The following PCDHGA6 variants were observed in gnomAD, a reference collection of about 807,000 sequenced individuals.
PCDHGA6 encodes the protein protocadherin gamma subfamily A, 6.
A neutral mutation model predicts 60.6 loss-of-function variants in PCDHGA6; 41 were observed. The ratio of observed to expected loss-of-function variants is 0.68; its 90% CI spans 0.53 to 0.88. The LOEUF (loss-of-function observed/expected upper bound fraction) is 0.88, where lower values mean the gene tolerates loss of function less well. Among genes scored for constraint, PCDHGA6 ranks in the 40% least tolerant of loss-of-function variants. The pLI is 0.00. For missense variants in PCDHGA6, 1,312 were observed against 1,203.0 expected, an observed-to-expected ratio of 1.09 and a Z score of -1.34; for synonymous variants, 594 against 524.4, an observed-to-expected ratio of 1.13 and a Z score of -1.81.
intron 1 of PCDHGA6, chr5:141,399,718 C>G (rs770212703): frequency 6.2e-7 from 1 of 1,613,308 alleles, no homozygotes; most frequent in Non-Finnish European, 8.5e-7. Context: ...ACTACAGGCC[C>G]GCGACCAGGG....
chr5:141,494,639 C>T, intron 1 of PCDHGA6, 168 bp from the exon 2 acceptor site: 1 of 901,070 alleles, frequency 1.1e-6, no homozygotes, highest in Non-Finnish European at 1.3e-6. Flanking sequence ...ACCTCTGAGA[C>T]CTGAGGTGTA....
chr5:141,388,118 C>G (rs771996326), intron 1 of PCDHGA6: 1 of 1,412,700 alleles, frequency 7.1e-7, no homozygotes, highest in African/African-American at 1.4e-5. Flanking sequence ...TCACCGTGAG[C>G]GCAGAGAGCG....
chr5:141,474,242 G>A (rs575397598), intron 1 of PCDHGA6, among the ~76,000 whole-genome samples: 1 of 152,192 alleles, frequency 6.6e-6, no homozygotes, highest in African/African-American at 2.4e-5. Context: ...GCTGAATAGG[G>A]GAAAAAAAGA....
chr5:141,397,168 T>C (rs997043690), intron 1 of PCDHGA6, among the ~76,000 whole-genome samples: 3 of 152,202 alleles, frequency 2.0e-5, no homozygotes, highest in Non-Finnish European at 4.4e-5. Context: ...CCAATAACTC[T>C]TAAGAATGAA....
chr5:141,379,097 A>G (rs1775367339), intron 1 of PCDHGA6: 1 of 152,260 alleles, frequency 6.6e-6, no homozygotes, highest in Non-Finnish European at 1.5e-5. Context: ...ATGTGTAAGA[A>G]AAAAGCAATT....
chr5:141,469,552 C>G (rs956606902), intron 1 of PCDHGA6, among the ~76,000 whole-genome samples: 1 of 151,910 alleles, frequency 6.6e-6, no homozygotes, highest in African/African-American at 2.4e-5. Context: ...TCCAGCCTGG[C>G]GACAGAGTGA....
At chr5:141,404,784 C>T (rs780341962) in intron 1 of PCDHGA6, 2 of 1,613,832 alleles carry the variant, frequency 1.2e-6, no homozygotes, top group Non-Finnish European at 1.7e-6. Flanking sequence ...CTATTCAAGG[C>T]CAGTGAGCCA....
At chr5:141,416,589 TTA>T (rs1386515449) in intron 1 of PCDHGA6, 2 of 151,996 alleles carry the variant, frequency 1.3e-5, no homozygotes, top group African/African-American at 4.8e-5. Context: ...CAAAATAAAC[TTA>T]GAGTCAAGAA....
At position 141,422,164 on chromosome 5, in the gene PCDHGA6, T is replaced by C. The variant is rs2096630287; in HGVS notation, c.2424+45657T>C. 2 of 1,568,668 alleles carry C rather than the reference T, an allele frequency of 1.3e-6. No homozygotes were observed. Among genetic ancestry groups the C allele is most frequent in the Non-Finnish European group, 1.7e-6 (2 of 1,162,894 alleles). On this transcript the variant is annotated intron_variant, in intron 1 of 3. Coordinates refer to ENST00000517434, the MANE Select transcript of PCDHGA6 (RefSeq NM_018919.3). ...ACGGGGGTCTCTGGATTTTGAAAAA[T>C]ATAGATTCTATGAGATGGAAATTCA... is the stretch of plus-strand genomic sequence containing the variant.
At chr5:141,384,897 C>T in intron 1 of PCDHGA6, 4 of 1,613,922 alleles carry the variant, frequency 2.5e-6, no homozygotes, top group Non-Finnish European at 3.4e-6. Context: ...CTGTGGCTGA[C>T]AGCATCCCCG....
Position 141,478,415 on chromosome 5 carries a change from C to A in PCDHGA6, c.2425-16392C>A, listed in dbSNP as rs182700706. 5.6e-6 allele frequency: 9 copies of A among 1,613,648 alleles called. No homozygotes were observed. In the East Asian group the frequency reaches 2.0e-4, roughly 36 times the overall value. ...TCAGGTGTATCTCACCACGGACTCC[C>A]GCCGCAGCGACCCGCTGCTGAAGAA... On this transcript the variant is annotated intron_variant, in intron 1 of 3. Coordinates refer to ENST00000517434, the MANE Select transcript of PCDHGA6 (RefSeq NM_018919.3).
In PCDHGA6 at chr5:141,419,316, G is replaced by A. The variant is rs775328616; in HGVS notation, c.2424+42809G>A. 1.1e-5 allele frequency: 18 copies of A among 1,613,994 alleles called. No individual in the cohort carries two copies. In the South Asian group the frequency reaches 1.8e-4, roughly 16 times the overall value. On this transcript the variant is annotated intron_variant, in intron 1 of 3. Coordinates refer to ENST00000517434, the MANE Select transcript of PCDHGA6 (RefSeq NM_018919.3). ...GACCCAGACTTCGGGCTCAACGGCC[G>A]TGTCTCCTACTCTCTCATTGCCAGC...
In PCDHGA6 at chr5:141,376,300, C is replaced by G. The variant is rs202008607; in HGVS notation, c.2217C>G (p.His739Gln). 1.3e-4 allele frequency: 204 copies of G among 1,614,218 alleles called. 1 individual carries two copies. The Middle Eastern group carries it at 1.7e-3, about 13-fold the overall frequency. Residue 739 changes from histidine to glutamine, a missense_variant, in exon 1 of 4, where the codon CAC (histidine) becomes CAG (glutamine). Coordinates refer to ENST00000517434, the MANE Select transcript of PCDHGA6 (RefSeq NM_018919.3). The part of the protein sequence containing the change: ...GGGLASMPGS[H>Q]FVGVEGVRAF... ...GCTTAGCGAGCATGCCCGGCTCGCA[C>G]TTTGTGGGCGTGGAAGGGGTTCGGG...
At chr5:141,433,225 GCT>G in intron 1 of PCDHGA6, 1 of 1,517,048 alleles carries the variant, frequency 6.6e-7, no homozygotes, top group African/African-American at 1.4e-5. Context: ...TTTTTTAATT[GCT>G]CTGTCTCCCA....
chr5:141,389,343 T>TACTG, intron 1 of PCDHGA6: 1 of 1,613,992 alleles, frequency 6.2e-7, no homozygotes, highest in Non-Finnish European at 8.5e-7. Flanking sequence ...CCAAGTCTCT[T>TACTG]ACTGCATCAT....
intron 1 of PCDHGA6, chr5:141,398,604 T>A: frequency 6.2e-7 from 1 of 1,614,048 alleles, no homozygotes; most frequent in Non-Finnish European, 8.5e-7. Flanking sequence ...TAGCAGAAGA[T>A]GCAGATATTG....
intron 1 of PCDHGA6, chr5:141,404,341 A>C (rs2094516146): frequency 3.1e-6 from 5 of 1,613,966 alleles, no homozygotes; most frequent in Non-Finnish European, 4.2e-6. Context: ...ACCTCCCGGA[A>C]AACAACGCCA....
chr5:141,415,982 T>A lies in PCDHGA6; in HGVS notation c.2424+39475T>A, dbSNP rs531852883. The A allele has an allele frequency of 1.9e-4, 66 of 342,492 alleles. 1 individual carries two copies. Among genetic ancestry groups the A allele is most frequent in the African/African-American group, 1.3e-3 (59 of 46,668 alleles). 21.2% of individuals were successfully genotyped at this position (342,492 alleles called of 1,614,324 possible). A position where few individuals can be genotyped will look rare whatever the true frequency, so the allele number is the denominator to read the frequency against. ...AACTCCAGCCCCTTAAGCAACCCTC[T>A]TGTTCTGAAGGCAGGTCTGGTAAGA... On this transcript the variant is annotated intron_variant, in intron 1 of 3. Transcript: ENST00000517434.
At chr5:141,399,237 A>C in intron 1 of PCDHGA6, 1 of 1,614,002 alleles carries the variant, frequency 6.2e-7, no homozygotes, top group Non-Finnish European at 8.5e-7. Flanking sequence ...TACATGACCA[A>C]GATTCTGGGG....
Sources: allele counts gnomAD v4.1 joint callset (sites outside exome capture counted in the v4.1 genomes callset), GRCh38; gene constraint gnomAD v4.1.1; transcripts MANE v1.5; gene names NCBI Gene and HGNC (gene_info 2026-07-23, HGNC 2026-07-21).